ANXA2: variants seen among roughly 807,000 people sequenced by gnomAD.
ANXA2 encodes the protein annexin A2.
In ANXA2, 28 loss-of-function variants were observed where a neutral mutation model predicts 47.3. The ratio of observed to expected loss-of-function variants is 0.59; its 90% confidence interval spans 0.44 to 0.81. The LOEUF (loss-of-function observed/expected upper bound fraction) is 0.81. Ranked by LOEUF, ANXA2 falls within the 40% of genes least tolerant of loss-of-function variation. The pLI is 0.00. For missense variants in ANXA2, 384 were observed against 414.3 expected, an observed-to-expected ratio of 0.93 and a Z score of 0.64; for synonymous variants, 172 against 155.5, an observed-to-expected ratio of 1.11 and a Z score of -0.79.
Position 60,347,613 on chromosome 15 carries a change from T to G in ANXA2, c.*17A>C. ...CATGGTGAGCACCATTTCTGGACGCTCAGGCCGTGTCGGGCTTCAGTCATC... is the reference window on the plus strand; with the variant it reads ...CATGGTGAGCACCATTTCTGGACGCGCAGGCCGTGTCGGGCTTCAGTCATC... On this transcript the variant is annotated 3_prime_UTR_variant, in exon 13 of 13. Transcript: ENST00000451270. 6.2e-7 allele frequency: 1 copy of G among 1,614,006 alleles called. No individual in the cohort carries two copies.
intron 5 of ANXA2, 155 bp downstream of exon 5, chr15:60,360,786 T>C: frequency 3.3e-6 from 2 of 612,548 alleles, no homozygotes; most frequent in Non-Finnish European, 2.9e-6. Flanking sequence ...ATATTTTTGG[T>C]ACAAATCCTG....
intron 2 of ANXA2, chr15:60,383,231 A>T (rs2062886821): frequency 6.6e-6 from 1 of 152,250 alleles, no homozygotes; most frequent in Non-Finnish European, 1.5e-5. Context: ...GGCTCAGATG[A>T]TCCTCCCACA....
intron 5 of ANXA2, among the ~76,000 whole-genome samples, chr15:60,360,522 C>T (rs2062497488): frequency 6.6e-6 from 1 of 152,176 alleles, no homozygotes; most frequent in African/African-American, 2.4e-5. Flanking sequence ...ACAAATGGTA[C>T]TGACAGAGAG....
In ANXA2 at chr15:60,352,285, G is replaced by T; in HGVS notation, c.682+98C>A. The T allele has an allele frequency of 1.3e-6, 1 of 762,646 alleles. No homozygotes were observed. The highest frequency in any genetic ancestry group is 1.7e-5 in the South Asian group (1 of 57,668). 47.2% of individuals were successfully genotyped at this position (762,646 alleles called of 1,614,324 possible). A position where few individuals can be genotyped will look rare whatever the true frequency, so the allele number is the denominator to read the frequency against. On this transcript the variant is annotated intron_variant, in intron 9 of 12. Coordinates refer to ENST00000451270, the MANE Select transcript of ANXA2 (RefSeq NM_004039.3). The surrounding 1 kb of genome is among the most constrained non-coding windows in gnomAD (Gnocchi z 4.2). ...CCTATGAGAGTGCCAAGCGGAGACA[G>T]AACCTCATTCTGGCAGACTCCATCC...
At chr15:60,364,577 T>C (rs2062566580) in intron 3 of ANXA2, 54 bp from the exon 4 acceptor site, 7 of 1,438,964 alleles carry the variant, frequency 4.9e-6, no homozygotes, top group East Asian at 2.3e-5. Flanking sequence ...TATTTTGGGC[T>C]TACATAGAAG....
chr15:60,382,207 A>C, intron 3 of ANXA2, 135 bp downstream of exon 3: 1 of 623,412 alleles, frequency 1.6e-6, no homozygotes, highest in Non-Finnish European at 2.9e-6. Flanking sequence ...GGGTTGAGCT[A>C]GGTCTGGATC....
chr15:60,359,406 A>G (rs2062479175), intron 5 of ANXA2, among the ~76,000 whole-genome samples: 1 of 152,186 alleles, frequency 6.6e-6, no homozygotes, highest in South Asian at 2.1e-4. Flanking sequence ...CCTGCCTCCA[A>G]AGGTCCACAG....
intron 1 of ANXA2, among the ~76,000 whole-genome samples, chr15:60,396,774 G>A (rs2063085928): frequency 6.6e-6 from 1 of 152,208 alleles, no homozygotes; most frequent in South Asian, 2.1e-4. Flanking sequence ...CATCAGTACA[G>A]TCTGGGGCCC....
chr15:60,361,317 C>A, intron 4 of ANXA2: 1 of 418,410 alleles, frequency 2.4e-6, no homozygotes, highest in Non-Finnish European at 4.4e-6. Context: ...AAACTGGAGT[C>A]GTATGTGATT....
intron 3 of ANXA2, among the ~76,000 whole-genome samples, chr15:60,373,334 G>A (rs1206967191): frequency 1.3e-5 from 2 of 152,216 alleles, no homozygotes; most frequent in African/African-American, 4.8e-5. Context: ...TCTCTTCTGA[G>A]GAGAGACATG....
chr15:60,383,227 G>C (rs1225150051), intron 2 of ANXA2: 1 of 152,298 alleles, frequency 6.6e-6, no homozygotes, highest in Non-Finnish European at 1.5e-5. Context: ...CCTGGGCTCA[G>C]ATGATCCTCC....
rs1313288068 is a variant in ANXA2 at position 60,382,331 on chromosome 15, G to GT, written c.148+10dup. Reference sequence around the variant, plus strand: ...AGACCCTGACAAGAAGAGGACAAATGTATCACCTACCTTTGGTCTTGATGG... The same window carrying GT: ...AGACCCTGACAAGAAGAGGACAAATGTTATCACCTACCTTTGGTCTTGATGG... On this transcript the variant is annotated intron_variant, in intron 3 of 12. Coordinates refer to ENST00000451270, the MANE Select transcript of ANXA2 (RefSeq NM_004039.3). 6.2e-7 allele frequency: 1 copy of GT among 1,604,988 alleles called. No homozygotes were observed. The highest frequency in any genetic ancestry group is 2.2e-5 in the East Asian group (1 of 44,800).
chr15:60,390,424 C>T, intron 1 of ANXA2: 2 of 528,116 alleles, frequency 3.8e-6, no homozygotes, highest in Non-Finnish European at 3.5e-6. Flanking sequence ...GTGGCAAGCA[C>T]CAACCCCACA....
chr15:60,397,971 T>C lies in ANXA2; in HGVS notation c.-40A>G. 5 of 1,255,028 alleles carry C rather than the reference T, an allele frequency of 4.0e-6. No homozygotes were observed. The highest frequency in any genetic ancestry group is 5.0e-6 in the Non-Finnish European group (5 of 994,768). 77.7% of individuals were successfully genotyped at this position (1,255,028 alleles called of 1,614,324 possible). A position where few individuals can be genotyped will look rare whatever the true frequency, so the allele number is the denominator to read the frequency against. ...GGCCGTGCGCCGAGAGCTGAGAGCG[T>C]CCCCAAATGCTGAGCAGAGCCGGCT... On this transcript the variant is annotated 5_prime_UTR_variant, in exon 1 of 13. Transcript: ENST00000451270.
chr15:60,354,863 A>C (rs573520390), intron 7 of ANXA2, among the ~76,000 whole-genome samples: 63 of 152,306 alleles, frequency 4.1e-4, no homozygotes, highest in Non-Finnish European at 6.3e-4. Context: ...GAATATGTGG[A>C]AACAAATGTA....
chr15:60,375,484 T>C (rs1384064407), intron 3 of ANXA2, among the ~76,000 whole-genome samples: 1 of 152,228 alleles, frequency 6.6e-6, no homozygotes, highest in Non-Finnish European at 1.5e-5. Flanking sequence ...TGGACCCATA[T>C]GGTAAACCAT....
chr15:60,352,611 G>A lies in ANXA2; in HGVS notation c.589-135C>T, dbSNP rs958187179. 1.7e-5 allele frequency: 11 copies of A among 665,436 alleles called. No individual in the cohort carries two copies. Among genetic ancestry groups the A allele is most frequent in the Admixed American group, 2.6e-5 (1 of 38,618 alleles). The allele number at this position is 665,436 out of a possible 1,614,324, so 41.2% of individuals were successfully genotyped here. A position where few individuals can be genotyped will look rare whatever the true frequency, so the allele number is the denominator to read the frequency against. On this transcript the variant is annotated intron_variant, in intron 8 of 12. Transcript: ENST00000451270. The surrounding 1 kb of genome is among the most constrained non-coding windows in gnomAD (Gnocchi z 4.2). ...GAAAGATGATTATACTGCAGACATG[G>A]GCAGAGACCTACTATTTAGGTCAAA...
chr15:60,351,177 A>C lies in ANXA2; in HGVS notation c.837+16T>G, dbSNP rs1256895693. On this transcript the variant is annotated intron_variant, in intron 11 of 12. Transcript: ENST00000451270. ...CTGAGTGTGGAAACACAGCTCTCTC[A>C]GCCAGCTGCCCTTACCTTCATGGAG... The C allele has an allele frequency of 5.6e-6, 9 of 1,613,850 alleles. No homozygotes were observed. The highest frequency in any genetic ancestry group is 7.6e-6 in the Non-Finnish European group (9 of 1,179,700).
intron 3 of ANXA2, 36 bp from the exon 4 acceptor site, chr15:60,364,559 T>C: frequency 6.5e-7 from 1 of 1,535,430 alleles, no homozygotes; most frequent in Non-Finnish European, 8.9e-7. Context: ...TTACTCAGTA[T>C]ACTCTAGTAT....
Sources: allele counts gnomAD v4.1 joint callset (sites outside exome capture counted in the v4.1 genomes callset), GRCh38; gene constraint gnomAD v4.1.1; non-coding constraint Gnocchi (gnomAD v3.1); transcripts MANE v1.5; gene names NCBI Gene and HGNC (gene_info 2026-07-23, HGNC 2026-07-21).